Variants in CTPS1 observed in about 807,000 individuals in gnomAD.
CTPS1 encodes the protein CTP synthetase 1.
A neutral mutation model predicts 80.5 loss-of-function variants in CTPS1; 25 were observed. The ratio of observed to expected loss-of-function variants is 0.31; its 90% confidence interval spans 0.23 to 0.43. CTPS1 has a LOEUF of 0.43. CTPS1 is among the 20% of genes least tolerant of loss of function. The probability of loss-of-function intolerance (pLI) is 1.00; values close to 1 mark genes in which losing one functional copy is unlikely to be tolerated. For missense variants in CTPS1, 442 were observed against 725.7 expected, an observed-to-expected ratio of 0.61 and a Z score of 4.49; for synonymous variants, 267 against 252.5, an observed-to-expected ratio of 1.06 and a Z score of -0.54.
Position 41,007,562 on chromosome 1 carries a change from G to A in CTPS1, c.1393+17G>A, listed in dbSNP as rs370283423. ...CAGTCATGAGTAAGAGCTGCCTCAC[G>A]CTGGCCCAGCCTTTGGCTCTGCGTG... On this transcript the variant is annotated intron_variant, in intron 14 of 18. Transcript: ENST00000650070. The surrounding 1 kb of genome is among the most constrained non-coding windows in gnomAD (Gnocchi z 4.4). The A allele has an allele frequency of 2.2e-4, 357 of 1,609,082 alleles. No individual in the cohort carries two copies. Among genetic ancestry groups the A allele is most frequent in the Non-Finnish European group, 3.0e-4 (348 of 1,176,166 alleles).
At chr1:40,994,752 G>C (rs1045405018) in intron 7 of CTPS1, among the ~76,000 whole-genome samples, 1 of 152,158 alleles carries the variant, frequency 6.6e-6, no homozygotes, top group Non-Finnish European at 1.5e-5. Flanking sequence ...TTCTGGCCTT[G>C]TTCTGGACTT....
intron 1 of CTPS1, 58 bp from the exon 2 acceptor site, chr1:40,983,220 A>C: frequency 6.9e-7 from 1 of 1,456,450 alleles, no homozygotes; most frequent in South Asian, 1.3e-5. Flanking sequence ...GTTTGAACCC[A>C]GATGAGTTTG....
chr1:40,998,175 G>C (rs1167643970), intron 9 of CTPS1, among the ~76,000 whole-genome samples: 1 of 152,144 alleles, frequency 6.6e-6, no homozygotes, highest in African/African-American at 2.4e-5. Context: ...GAGGTGGGCA[G>C]ATCACGAGGT....
At position 41,004,664 on chromosome 1, in the gene CTPS1, G is replaced by A. The variant is rs556443357; in HGVS notation, c.1253-1387G>A. On this transcript the variant is annotated intron_variant, in intron 12 of 18. Coordinates refer to ENST00000650070, the MANE Select transcript of CTPS1 (RefSeq NM_001905.4). ...TTTAGTGGTTTTGCTTTGGTTAGAC[G>A]GTAAGTTCAATGAAGGTTAGAAAGG... 5.3e-5 allele frequency among the ~76,000 whole-genome samples: 8 copies of A among 152,264 alleles called. No individual in the cohort carries two copies. In the South Asian group the frequency reaches 6.2e-4, roughly 12 times the overall value.
Position 40,993,517 on chromosome 1 carries a change from T to C in CTPS1, c.720+1672T>C, listed in dbSNP as rs551194509. On this transcript the variant is annotated intron_variant, in intron 7 of 18. Transcript: ENST00000650070. ...TACCATGTTCAGCTGTTTTATTTTT[T>C]GTAGAGATGAGGTCTTGCTATGGTT... Among the ~76,000 whole-genome samples, 4 of 152,198 alleles carry C rather than the reference T, an allele frequency of 2.6e-5. No individual in the cohort carries two copies. The East Asian group carries it at 7.7e-4, about 29-fold the overall frequency.
intron 12 of CTPS1, among the ~76,000 whole-genome samples, chr1:41,004,767 A>G (rs1642991928): frequency 6.6e-6 from 1 of 152,218 alleles, no homozygotes; most frequent in Non-Finnish European, 1.5e-5. Context: ...GCTGCTGAAG[A>G]TGAAAGAAGT....
At chr1:40,998,329 T>C (rs1276512012) in intron 9 of CTPS1, among the ~76,000 whole-genome samples, 4 of 133,560 alleles carry the variant, frequency 3.0e-5, no homozygotes, top group African/African-American at 1.2e-4. Context: ...ACCTGGGAGG[T>C]GGAGGTTGCA....
chr1:40,991,462 C>T (rs1055888986), intron 6 of CTPS1, among the ~76,000 whole-genome samples: 2 of 152,174 alleles, frequency 1.3e-5, no homozygotes, highest in Admixed American at 1.3e-4. Flanking sequence ...TTTTTCCTCT[C>T]AGTCTTTTTA....
chr1:41,004,891 G>T (rs1642994763), intron 12 of CTPS1, among the ~76,000 whole-genome samples: 1 of 152,278 alleles, frequency 6.6e-6, no homozygotes, highest in Non-Finnish European at 1.5e-5. Context: ...CACTTTGGGA[G>T]GCTGAGTTGG....
At chr1:41,006,785 C>G (rs974765428) in intron 13 of CTPS1, among the ~76,000 whole-genome samples, 2 of 152,194 alleles carry the variant, frequency 1.3e-5, no homozygotes, top group Non-Finnish European at 2.9e-5. Context: ...ACTGAGGACA[C>G]CGTGCTAAAT....
At chr1:41,011,591 A>G (rs950611425) in intron 18 of CTPS1, 67 bp from the exon 19 acceptor site, 2 of 152,138 alleles carry the variant, frequency 1.3e-5, no homozygotes, top group African/African-American at 2.4e-5. Context: ...GCAGCTGACT[A>G]GAAATTCTAA....
At chr1:40,993,747 G>A (rs75154969) in intron 7 of CTPS1, among the ~76,000 whole-genome samples, 1,790 of 141,532 alleles carry the variant, frequency 0.013, 44 homozygotes, top group African/African-American at 0.044. Context: ...CTCCCTATCT[G>A]TGCCTTGTCT....
At chr1:41,009,316 T>C (rs1481471678) in intron 16 of CTPS1, 129 bp from the exon 17 acceptor site, 1 of 986,892 alleles carries the variant, frequency 1.0e-6, no homozygotes, top group African/African-American at 1.6e-5. Context: ...TTTATCTAGA[T>C]TCAAATGAGA....
intron 13 of CTPS1, among the ~76,000 whole-genome samples, chr1:41,006,501 T>C (rs1408066478): frequency 6.6e-6 from 1 of 152,226 alleles, no homozygotes; most frequent in Non-Finnish European, 1.5e-5. Flanking sequence ...TCCCCAGCCA[T>C]AGTCCTGGGA....
intron 13 of CTPS1, 130 bp downstream of exon 13, chr1:41,006,224 C>A: frequency 1.4e-6 from 1 of 711,702 alleles, no homozygotes; most frequent in Non-Finnish European, 2.4e-6. Context: ...AGGTTTTGGG[C>A]ACTCAGACCT....
At chr1:40,996,640 A>G (rs574307312) in intron 8 of CTPS1, among the ~76,000 whole-genome samples, 1 of 152,354 alleles carries the variant, frequency 6.6e-6, no homozygotes, top group African/African-American at 2.4e-5. Flanking sequence ...ATGATGGCCT[A>G]GAAGCATTTG....
rs765342446 is a variant in CTPS1, at chr1:40,997,481, T to C, written c.960T>C (p.Ala320=). ...ACTCCTATGCCTCTGTCATTAAGGC[T>C]CTGGAGCATTCTGCACTGGCCATCA... ...FSDSYASVIK[A]LEHSALAINH... is the part of the protein sequence containing the mutation. Residue 320 remains alanine, a synonymous_variant, in exon 9 of 19, where the codon GCT becomes GCC. Transcript: ENST00000650070. 1.9e-6 allele frequency: 3 copies of C among 1,614,224 alleles called. No homozygotes were observed. The highest frequency in any genetic ancestry group is 3.3e-5 in the Admixed American group (2 of 60,028).
intron 12 of CTPS1, 36 bp from the exon 13 acceptor site, chr1:41,006,015 G>T: frequency 6.5e-7 from 1 of 1,548,748 alleles, no homozygotes; most frequent in Non-Finnish European, 8.9e-7. Context: ...ACTTTCGTTT[G>T]TAACTATTTT....
rs761025446 is a variant in CTPS1, at chr1:40,989,184, A to G, written c.555+474A>G. Among the ~76,000 whole-genome samples, 6 of 152,206 alleles carry G rather than the reference A, an allele frequency of 3.9e-5. No individual in the cohort carries two copies. In the South Asian group the frequency reaches 6.2e-4, roughly 16 times the overall value. ...GTGGGATGAGGGTGGGCCTCATGTAACTACTGCTTCAGAAGACTCAGACCC... is the reference window on the plus strand; with the variant it reads ...GTGGGATGAGGGTGGGCCTCATGTAGCTACTGCTTCAGAAGACTCAGACCC... On this transcript the variant is annotated intron_variant, in intron 5 of 18. Transcript: ENST00000650070.
Sources: gnomAD v4.1 joint callset for allele counts (sites outside exome capture counted in the v4.1 genomes callset) on GRCh38, gnomAD v4.1.1 for gene constraint, Gnocchi (gnomAD v3.1) non-coding constraint, MANE v1.5 for transcripts, NCBI Gene and HGNC (gene_info 2026-07-23, HGNC 2026-07-21) for gene names.